Variants in CADM2 observed in about 807,000 individuals in gnomAD.
CADM2 encodes cell adhesion molecule 2.
A neutral mutation model predicts 49.8 loss-of-function variants in CADM2; 12 were observed. That is an observed-to-expected ratio of 0.24 (90% CI 0.15 to 0.39). The LOEUF (loss-of-function observed/expected upper bound fraction) is 0.39. Among genes scored for constraint, CADM2 ranks in the 10% least tolerant of loss-of-function variants. The pLI is 1.00. For synonymous variants in CADM2, 214 were observed against 175.4 expected (o/e 1.22, Z -1.74); for missense variants, 378 against 492.3 (o/e 0.77, Z 2.20).
Position 85,256,879 on chromosome 3 carries a change from G to A in CADM2, c.61+297211G>A, listed in dbSNP as rs1422387824. 2.0e-5 allele frequency among the ~76,000 whole-genome samples: 3 copies of A among 151,956 alleles called. No homozygotes were observed. The East Asian group carries it at 5.8e-4, about 29-fold the overall frequency. On this transcript the variant is annotated intron_variant, in intron 1 of 9. Transcript: ENST00000383699. The stretch of plus-strand genomic sequence containing the variant: ...TTTTCTTCTGCCATTTAACTTCTTG[G>A]AGAAAGAAATGAAGATACATTTGTG...
chr3:85,386,092 C>A (rs1467273211), intron 1 of CADM2, among the ~76,000 whole-genome samples: 5 of 152,138 alleles, frequency 3.3e-5, no homozygotes, highest in African/African-American at 1.2e-4. Flanking sequence ...TAACTACATA[C>A]TACTTTATTT....
chr3:85,839,776 A>G (rs2074559397), intron 3 of CADM2, among the ~76,000 whole-genome samples: 1 of 151,942 alleles, frequency 6.6e-6, no homozygotes, highest in African/African-American at 2.4e-5. Context: ...TACTGAATTT[A>G]GTTACCACAT....
chr3:85,074,974 G>C (rs946780061), intron 1 of CADM2, among the ~76,000 whole-genome samples: 3 of 151,680 alleles, frequency 2.0e-5, no homozygotes, highest in Non-Finnish European at 4.4e-5. Context: ...GGAGCAAGAT[G>C]CAATTTAGCA....
At chr3:85,016,737 G>A (rs1431699565) in intron 1 of CADM2, among the ~76,000 whole-genome samples, 1 of 151,798 alleles carries the variant, frequency 6.6e-6, no homozygotes, top group Non-Finnish European at 1.5e-5. Context: ...AGATTGTAAT[G>A]AGCTGAGACT....
chr3:85,215,294 C>G lies in CADM2; in HGVS notation c.61+255626C>G, dbSNP rs571736166. On this transcript the variant is annotated intron_variant, in intron 1 of 9. Transcript: ENST00000383699. ...CTGGAATAGGGCCCTCAGGACTCTACCTAGTGGCATTCTACTCTGGTTAAG... is the reference window on the plus strand; with the variant it reads ...CTGGAATAGGGCCCTCAGGACTCTAGCTAGTGGCATTCTACTCTGGTTAAG... Among the ~76,000 whole-genome samples, 6 of 146,718 alleles carry G rather than the reference C, an allele frequency of 4.1e-5. No homozygotes were observed. In the South Asian group the frequency reaches 1.3e-3, roughly 31 times the overall value.
chr3:86,015,420 G>A (rs1327445439), intron 8 of CADM2, among the ~76,000 whole-genome samples: 1 of 152,132 alleles, frequency 6.6e-6, no homozygotes, highest in Non-Finnish European at 1.5e-5. Flanking sequence ...TATCACTGTG[G>A]ATCTCTACTT....
At chr3:85,954,848 C>A (rs1042872316) in intron 7 of CADM2, among the ~76,000 whole-genome samples, 2 of 151,256 alleles carry the variant, frequency 1.3e-5, no homozygotes, top group Non-Finnish European at 3.0e-5. Flanking sequence ...ATCAAAAAGT[C>A]TTTGCTTAAA....
At chr3:85,523,280 G>A (rs1311206244) in intron 1 of CADM2, among the ~76,000 whole-genome samples, 1 of 152,122 alleles carries the variant, frequency 6.6e-6, no homozygotes, top group Non-Finnish European at 1.5e-5. Flanking sequence ...AAGGAAGGAA[G>A]GCTGCATCCC....
chr3:85,812,257 G>A (rs920667505), intron 3 of CADM2, among the ~76,000 whole-genome samples: 12 of 151,744 alleles, frequency 7.9e-5, no homozygotes, highest in Admixed American at 6.6e-5. Flanking sequence ...GTAAGTAATC[G>A]ATAAAATTAT....
chr3:85,955,512 A>G (rs78314516), intron 7 of CADM2, among the ~76,000 whole-genome samples: 2,768 of 151,598 alleles, frequency 0.018, 80 homozygotes, highest in African/African-American at 0.062. Context: ...CGATTAAGGC[A>G]AAGAAAGTTT....
chr3:85,809,977 G>A (rs924442299), intron 3 of CADM2, among the ~76,000 whole-genome samples: 1 of 151,524 alleles, frequency 6.6e-6, no homozygotes, highest in African/African-American at 2.4e-5. Context: ...TTCCCCTTAG[G>A]AATTAAATGG....
At chr3:84,979,585 T>C (rs2032038435) in intron 1 of CADM2, among the ~76,000 whole-genome samples, 1 of 152,070 alleles carries the variant, frequency 6.6e-6, no homozygotes, top group Admixed American at 6.6e-5. Context: ...TATTAAAAAC[T>C]GTCGGCCTTA....
chr3:85,571,605 A>G (rs772351841), intron 1 of CADM2, among the ~76,000 whole-genome samples: 3 of 152,236 alleles, frequency 2.0e-5, no homozygotes, highest in Non-Finnish European at 4.4e-5. Flanking sequence ...ATATTTGTAT[A>G]TGTCCCATAT....
At chr3:85,503,567 T>C (rs374424307) in intron 1 of CADM2, among the ~76,000 whole-genome samples, 1 of 152,210 alleles carries the variant, frequency 6.6e-6, no homozygotes, top group African/African-American at 2.4e-5. Context: ...CCTGAGTAGG[T>C]TGAGTATTTT....
At chr3:85,836,174 CA>C (rs751629763) in intron 3 of CADM2, among the ~76,000 whole-genome samples, 27 of 151,518 alleles carry the variant, frequency 1.8e-4, no homozygotes, top group South Asian at 1.0e-3. Context: ...AAAGAGCTTT[CA>C]GGGGAGGAAA....
chr3:85,545,126 G>A (rs1178230504), intron 1 of CADM2, among the ~76,000 whole-genome samples: 1 of 152,134 alleles, frequency 6.6e-6, no homozygotes, highest in East Asian at 1.9e-4. Flanking sequence ...GTGTTATTTG[G>A]TGGGCTGGTA....
chr3:85,363,833 C>T (rs997123920), intron 1 of CADM2, among the ~76,000 whole-genome samples: 2 of 151,934 alleles, frequency 1.3e-5, no homozygotes, highest in African/African-American at 2.4e-5. Context: ...GGATGGTCTC[C>T]ATCTCCTGAC....
chr3:85,879,403 T>C (rs1712400066), intron 3 of CADM2, among the ~76,000 whole-genome samples: 1 of 152,094 alleles, frequency 6.6e-6, no homozygotes, highest in African/African-American at 2.4e-5. Context: ...GGGGATACAA[T>C]CATTTAGGTT....
At chr3:84,987,146 C>G (rs2032619048) in intron 1 of CADM2, among the ~76,000 whole-genome samples, 1 of 152,098 alleles carries the variant, frequency 6.6e-6, no homozygotes, top group Non-Finnish European at 1.5e-5. Flanking sequence ...GAGAAATCCT[C>G]CCAGGTTGTG....
Sources: gnomAD v4.1 joint callset for allele counts (sites outside exome capture counted in the v4.1 genomes callset) on GRCh38, gnomAD v4.1.1 for gene constraint, MANE v1.5 for transcripts, NCBI Gene and HGNC (gene_info 2026-07-23, HGNC 2026-07-21) for gene names.